Variants in TULP3 observed in about 807,000 individuals in gnomAD.
TULP3 encodes tubby-related protein 3.
Under a neutral mutation model 50.7 loss-of-function variants are expected in TULP3, and 38 were observed. That is an observed-to-expected ratio of 0.75 (90% confidence interval 0.58 to 0.98). TULP3 has a LOEUF of 0.98. TULP3 is among the 50% of genes least tolerant of loss of function. TULP3 has a pLI of 0.00. For synonymous variants in TULP3, 183 were observed against 196.6 expected, an observed-to-expected ratio of 0.93 and a Z score of 0.58; for missense variants, 550 against 568.0, an observed-to-expected ratio of 0.97 and a Z score of 0.32.
intron 2 of TULP3, among the ~76,000 whole-genome samples, chr12:2,917,793 C>T (rs1565502623): frequency 6.6e-6 from 1 of 151,522 alleles, no homozygotes; most frequent in Admixed American, 6.6e-5. Flanking sequence ...AGGAGAATGG[C>T]GTGAACCCGG....
At chr12:2,934,094 T>C (rs1408559388) in intron 7 of TULP3, among the ~76,000 whole-genome samples, 1 of 151,838 alleles carries the variant, frequency 6.6e-6, no homozygotes, top group African/African-American at 2.4e-5. Context: ...CAAAAAACTT[T>C]AAAATTAGCC....
chr12:2,940,498 ATG>A lies in TULP3; in HGVS notation c.*1057_*1058del, dbSNP rs1565511008. The A allele has an allele frequency of 6.6e-7, 1 of 1,524,146 alleles. No individual in the cohort carries two copies. The highest frequency in any genetic ancestry group is 8.8e-7 in the Non-Finnish European group (1 of 1,132,222). 94.4% of individuals were successfully genotyped at this position (1,524,146 alleles called of 1,614,324 possible). ...TGATTATTACACCCCTCCACGTATT[ATG>A]TGACTCTTACACCAGTTCACCCTTC... On this transcript the variant is annotated 3_prime_UTR_variant, in exon 11 of 11. Coordinates refer to ENST00000448120, the MANE Select transcript of TULP3 (RefSeq NM_003324.5).
rs1253691098 is a variant in TULP3, at chr12:2,939,559, A to G, written c.*115A>G. The G allele has an allele frequency of 3.3e-6, 5 of 1,496,050 alleles. No homozygotes were observed. The highest frequency in any genetic ancestry group is 4.4e-6 in the Non-Finnish European group (5 of 1,129,292). The allele number at this position is 1,496,050 out of a possible 1,614,324, so 92.7% of individuals were successfully genotyped here. ...AGAGCAATAGTTTGCCCCTTTTGGA[A>G]TGATCTCTGAATATATAAAACACAC... is the stretch of plus-strand genomic sequence containing the variant. On this transcript the variant is annotated 3_prime_UTR_variant, in exon 11 of 11. Coordinates refer to ENST00000448120, the MANE Select transcript of TULP3 (RefSeq NM_003324.5). This position sits in a 1 kb window ranked among gnomAD's most constrained non-coding sequence, Gnocchi z 4.0.
At chr12:2,901,357 T>C (rs1198814064) in intron 1 of TULP3, among the ~76,000 whole-genome samples, 2 of 143,294 alleles carry the variant, frequency 1.4e-5, no homozygotes, top group South Asian at 2.2e-4. Context: ...TTATATTGCC[T>C]AGGCTTTTTG....
Position 2,938,159 on chromosome 12 carries a change from A to G in TULP3, c.1069A>G (p.Asn357Asp), listed in dbSNP as rs147467278. The change falls in exon 10 of 11, where the codon AAT becomes GAT. Residue 357 changes from asparagine to aspartate, a missense_variant. Transcript: ENST00000448120. ...AAGGTGGCAGAACAGAACTATGGAA[A>G]ATCTGGTTGAGCTGCACAACAAGGC... ...LSRWQNRTME[N>D]LVELHNKAPV... The G allele has an allele frequency of 6.8e-6, 11 of 1,614,070 alleles. No homozygotes were observed. The African/African-American group carries it at 1.5e-4, about 22-fold the overall frequency.
intron 2 of TULP3, among the ~76,000 whole-genome samples, chr12:2,913,598 G>A (rs149604880): frequency 9.2e-4 from 139 of 151,102 alleles, no homozygotes; most frequent in Middle Eastern, 3.5e-3. Context: ...ACTTTCCGTG[G>A]TTTATTTATT....
In TULP3 at chr12:2,930,336, G is replaced by T; in HGVS notation, c.483G>T (p.Gln161His). 6.2e-7 allele frequency: 1 copy of T among 1,609,954 alleles called. No homozygotes were observed. The highest frequency in any genetic ancestry group is 1.1e-5 in the South Asian group (1 of 90,398). ...CLERPNSASS[Q>H]NSTDTGTSGS... ...AAAGACCCAATTCTGCATCAAGCCAGAATTCAACCGTATGTAGTTCTGAAA... is the reference window on the plus strand; with the variant it reads ...AAAGACCCAATTCTGCATCAAGCCATAATTCAACCGTATGTAGTTCTGAAA... The change falls in exon 5 of 11, where the codon CAG becomes CAT. Residue 161 changes from glutamine (Q) to histidine (H), a missense_variant. Physicochemically the swap from Gln to His is conservative, Grantham distance 24. Transcript: ENST00000448120.
chr12:2,906,338 T>C (rs540991496), intron 1 of TULP3, among the ~76,000 whole-genome samples: 35 of 151,486 alleles, frequency 2.3e-4, no homozygotes, highest in East Asian at 6.1e-4. Flanking sequence ...CTTTTTTCTT[T>C]TTTTTGAGAC....
intron 2 of TULP3, among the ~76,000 whole-genome samples, chr12:2,919,083 G>A (rs2098190305): frequency 6.6e-6 from 1 of 151,876 alleles, no homozygotes; most frequent in African/African-American, 2.4e-5. Flanking sequence ...ATAGAGACGG[G>A]GTTTCACCAT....
intron 1 of TULP3, among the ~76,000 whole-genome samples, chr12:2,905,900 GA>G (rs1473670866): frequency 1.3e-5 from 2 of 151,764 alleles, no homozygotes; most frequent in Non-Finnish European, 2.9e-5. Flanking sequence ...GTTTAGTGTT[GA>G]GAACAGAGTG....
rs1161251362 is a variant in TULP3, at chr12:2,940,765, C to T, written c.*1321C>T. The T allele has an allele frequency of 2.0e-5, 30 of 1,509,704 alleles. No homozygotes were observed. Among genetic ancestry groups the T allele is most frequent in the Admixed American group, 4.1e-5 (2 of 48,294 alleles). 93.5% of individuals were successfully genotyped at this position (1,509,704 alleles called of 1,614,324 possible). A position where few individuals can be genotyped will look rare whatever the true frequency, so the allele number is the denominator to read the frequency against. On this transcript the variant is annotated 3_prime_UTR_variant, in exon 11 of 11. Coordinates refer to ENST00000448120, the MANE Select transcript of TULP3 (RefSeq NM_003324.5). ...GGCAGCTGCGGGACCCTTGGCTTGT[C>T]CCCCACCGACAAGTCCCACCTGCTG...
At chr12:2,919,577 A>G (rs2098190566) in intron 2 of TULP3, among the ~76,000 whole-genome samples, 1 of 152,208 alleles carries the variant, frequency 6.6e-6, no homozygotes, top group Non-Finnish European at 1.5e-5. Flanking sequence ...CCTGAAAAAC[A>G]GTAGTAAGTG....
chr12:2,939,578 A>C lies in TULP3; in HGVS notation c.*134A>C, dbSNP rs116766909. 2.2e-3 allele frequency: 2,734 copies of C among 1,239,324 alleles called. 63 individuals carry two copies. In the African/African-American group the frequency reaches 0.037, roughly 17 times the overall value. The allele number at this position is 1,239,324 out of a possible 1,614,324, so 76.8% of individuals were successfully genotyped here. A position where few individuals can be genotyped will look rare whatever the true frequency, so the allele number is the denominator to read the frequency against. ...TTTGGAATGATCTCTGAATATATAA[A>C]ACACACACACAAAGAGCAATAGTTT... On this transcript the variant is annotated 3_prime_UTR_variant, in exon 11 of 11. Coordinates refer to ENST00000448120, the MANE Select transcript of TULP3 (RefSeq NM_003324.5). The surrounding 1 kb of genome is among the most constrained non-coding windows in gnomAD (Gnocchi z 4.0).
chr12:2,906,752 C>T (rs971493620), intron 1 of TULP3, among the ~76,000 whole-genome samples: 2 of 150,100 alleles, frequency 1.3e-5, no homozygotes, highest in Admixed American at 1.3e-4. Context: ...CCCGTCTCTA[C>T]TAAAAATACA....
chr12:2,914,125 C>CTTTTTT (rs71057862), intron 2 of TULP3, among the ~76,000 whole-genome samples: 54 of 130,654 alleles, frequency 4.1e-4, no homozygotes, highest in Middle Eastern at 8.5e-3. Context: ...ATAAATAATT[C>CTTTTTT]TTTTTTTTTT....
rs975659671 is a variant in TULP3, at chr12:2,940,181, C to G, written c.*737C>G. The G allele has an allele frequency of 4.6e-6, 6 of 1,310,762 alleles. No individual in the cohort carries two copies. The African/African-American group carries it at 9.0e-5, about 20-fold the overall frequency. The allele number at this position is 1,310,762 out of a possible 1,614,324, so 81.2% of individuals were successfully genotyped here. On this transcript the variant is annotated 3_prime_UTR_variant, in exon 11 of 11. Transcript: ENST00000448120. ...CTGACAGTAATGTGATAATTGCCTT[C>G]ATTTTCAACCCAGGAGTGCCTCTCA...
At position 2,893,410 on chromosome 12, in the gene TULP3, T is replaced by G. The variant is rs187214700; in HGVS notation, c.41+2422T>G. Among the ~76,000 whole-genome samples the G allele has an allele frequency of 1.1e-3, 165 of 149,534 alleles. 2 individuals are homozygous for G. In the East Asian group the frequency reaches 0.027, roughly 25 times the overall value. ...GTGGCGCCATCTTGGCTTACTTGCC[T>G]CCTGGGTTCCAGTGATTCTCCAGCC... On this transcript the variant is annotated intron_variant, in intron 1 of 10. Transcript: ENST00000448120.
intron 4 of TULP3, among the ~76,000 whole-genome samples, chr12:2,929,404 G>A (rs1011214767): frequency 9.9e-5 from 15 of 152,144 alleles, no homozygotes; most frequent in African/African-American, 3.6e-4. Context: ...CAAAATCCTG[G>A]GCTTAAGTGA....
intron 9 of TULP3, 24 bp downstream of exon 9, chr12:2,937,753 A>C (rs1422159979): frequency 6.4e-7 from 1 of 1,554,582 alleles, no homozygotes; most frequent in Admixed American, 1.7e-5. Flanking sequence ...TATTTAAATC[A>C]GTGAAAGACT....
Sources: gnomAD v4.1 joint callset for allele counts (sites outside exome capture counted in the v4.1 genomes callset) on GRCh38, gnomAD v4.1.1 for gene constraint, Gnocchi (gnomAD v3.1) non-coding constraint, MANE v1.5 for transcripts, NCBI Gene and HGNC (gene_info 2026-07-23, HGNC 2026-07-21) for gene names.